PDE10A: variants seen among roughly 807,000 people sequenced by gnomAD.
PDE10A encodes the protein phosphodiesterase 10A, also known as cAMP and cAMP-inhibited cGMP 3',5'-cyclic phosphodiesterase 10A.
Under a neutral mutation model 97.7 loss-of-function variants are expected in PDE10A, and 39 were observed. The ratio of observed to expected loss-of-function variants is 0.40; its 90% CI spans 0.31 to 0.52. The LOEUF (loss-of-function observed/expected upper bound fraction) is 0.52. Ranked by LOEUF, PDE10A falls within the 20% of genes least tolerant of loss-of-function variation. PDE10A has a pLI of 0.56. For missense variants in PDE10A, 731 were observed against 1,047.8 expected, an observed-to-expected ratio of 0.70 and a Z score of 4.17; for synonymous variants, 371 against 376.8, an observed-to-expected ratio of 0.98 and a Z score of 0.18.
At chr6:165,886,688 A>G (rs929481734) in intron 1 of PDE10A, among the ~76,000 whole-genome samples, 3 of 152,208 alleles carry the variant, frequency 2.0e-5, no homozygotes, top group Admixed American at 2.0e-4. Context: ...TGGGGTTCAG[A>G]TTTACTCTGT....
chr6:165,826,318 C>T (rs981281863), intron 1 of PDE10A, among the ~76,000 whole-genome samples: 4 of 151,880 alleles, frequency 2.6e-5, no homozygotes, highest in Non-Finnish European at 5.9e-5. Flanking sequence ...GTCCCTCTGT[C>T]CCTGCATCCT....
chr6:165,837,824 T>C (rs1200134323), intron 1 of PDE10A, among the ~76,000 whole-genome samples: 1 of 152,038 alleles, frequency 6.6e-6, no homozygotes, highest in Non-Finnish European at 1.5e-5. Flanking sequence ...TAGCTGGGAC[T>C]ACAGGCGCCC....
intron 3 of PDE10A, among the ~76,000 whole-genome samples, chr6:165,474,434 C>T (rs1010647520): frequency 2.6e-5 from 4 of 152,108 alleles, no homozygotes; most frequent in African/African-American, 9.7e-5. Flanking sequence ...TAATGTTCAC[C>T]TTCATATAAA....
chr6:165,719,518 G>C (rs181393891), intron 1 of PDE10A, among the ~76,000 whole-genome samples: 1,595 of 152,318 alleles, frequency 0.01, 30 homozygotes, highest in African/African-American at 0.037. Context: ...TGGTAGGATA[G>C]ATTTTCAATC....
chr6:165,376,941 G>C (rs1784641807), intron 18 of PDE10A, among the ~76,000 whole-genome samples: 1 of 152,018 alleles, frequency 6.6e-6, no homozygotes, highest in African/African-American at 2.4e-5. Flanking sequence ...AAAACAAATT[G>C]CCACATGCAT....
At chr6:165,610,692 T>C (rs919020049) in intron 1 of PDE10A, among the ~76,000 whole-genome samples, 1 of 152,236 alleles carries the variant, frequency 6.6e-6, no homozygotes. Context: ...CCCACTGTGA[T>C]GGCCAACCTC....
intron 18 of PDE10A, among the ~76,000 whole-genome samples, chr6:165,353,587 T>C (rs1012067389): frequency 6.6e-6 from 1 of 152,150 alleles, no homozygotes; most frequent in African/African-American, 2.4e-5. Context: ...TGAAAAGACA[T>C]GGAAGAAACT....
In PDE10A at chr6:165,829,992, G is replaced by A. The variant is rs778675502; in HGVS notation, c.-615+157537C>T. On this transcript the variant is annotated intron_variant, in intron 1 of 19. Transcript: ENST00000366882. ...GTACACAGGCGAAGTTAAATTTAGG[G>A]TCTGTGTGGCAGCGGCAATAAACTG... Among the ~76,000 whole-genome samples the A allele has an allele frequency of 1.2e-3, 185 of 152,156 alleles. 1 individual carries two copies. The highest frequency in any genetic ancestry group is 2.3e-3 in the Non-Finnish European group (154 of 68,038).
At chr6:165,712,578 A>G (rs2128446483) in intron 1 of PDE10A, among the ~76,000 whole-genome samples, 1 of 150,578 alleles carries the variant, frequency 6.6e-6, no homozygotes, top group Admixed American at 6.6e-5. Context: ...GTAATTTGTT[A>G]CAATAAACAT....
At chr6:165,858,730 T>A (rs1175241918) in intron 1 of PDE10A, among the ~76,000 whole-genome samples, 2 of 152,152 alleles carry the variant, frequency 1.3e-5, no homozygotes, top group Non-Finnish European at 2.9e-5. Flanking sequence ...CAGCATTGAC[T>A]CCCATCAGTG....
At chr6:165,533,237 C>T (rs539456875) in intron 2 of PDE10A, among the ~76,000 whole-genome samples, 6 of 152,252 alleles carry the variant, frequency 3.9e-5, no homozygotes, top group Admixed American at 6.5e-5. Context: ...CAAGTTTATA[C>T]AGTAATATGT....
chr6:165,676,112 T>C (rs577681186), intron 1 of PDE10A, among the ~76,000 whole-genome samples: 95 of 152,300 alleles, frequency 6.2e-4, no homozygotes, highest in African/African-American at 2.2e-3. Context: ...TTATCTTAAC[T>C]GAAACAACTC....
At chr6:165,770,884 A>G (rs1012378455) in intron 1 of PDE10A, among the ~76,000 whole-genome samples, 1 of 152,216 alleles carries the variant, frequency 6.6e-6, no homozygotes, top group African/African-American at 2.4e-5. Context: ...CTTGCACGTG[A>G]GCACACTGCG....
intron 2 of PDE10A, among the ~76,000 whole-genome samples, chr6:165,514,511 G>T (rs551728750): frequency 3.9e-5 from 6 of 152,276 alleles, no homozygotes; most frequent in African/African-American, 1.2e-4. Flanking sequence ...AGTGACCACT[G>T]GGAGCTGTGA....
At chr6:165,626,693 T>A (rs1788403052) in intron 1 of PDE10A, among the ~76,000 whole-genome samples, 1 of 148,794 alleles carries the variant, frequency 6.7e-6, no homozygotes, top group Admixed American at 7.1e-5. Flanking sequence ...CTTTGCGATT[T>A]CCCTCCCTGG....
chr6:165,821,885 T>C (rs1173582958), intron 1 of PDE10A, among the ~76,000 whole-genome samples: 1 of 133,568 alleles, frequency 7.5e-6, no homozygotes, highest in Non-Finnish European at 1.6e-5. Context: ...GTTAACTGAA[T>C]TGAGTGAGGT....
intron 11 of PDE10A, among the ~76,000 whole-genome samples, chr6:165,417,544 C>T (rs1022963479): frequency 6.6e-6 from 1 of 152,132 alleles, no homozygotes; most frequent in Non-Finnish European, 1.5e-5. Flanking sequence ...TCAATGCCAA[C>T]AGTGTTAGGA....
chr6:165,514,113 C>A (rs1215164400), intron 2 of PDE10A, among the ~76,000 whole-genome samples: 2 of 152,160 alleles, frequency 1.3e-5, no homozygotes, highest in Non-Finnish European at 2.9e-5. Context: ...TAATATTAAA[C>A]CAACTTTGTA....
intron 1 of PDE10A, among the ~76,000 whole-genome samples, chr6:165,772,560 C>T (rs1778043257): frequency 6.6e-6 from 1 of 152,184 alleles, no homozygotes; most frequent in Non-Finnish European, 1.5e-5. Context: ...AGTTGCCCAA[C>T]CTGGGCTATC....
Sources: allele counts gnomAD v4.1 joint callset (sites outside exome capture counted in the v4.1 genomes callset), GRCh38; gene constraint gnomAD v4.1.1; transcripts MANE v1.5; gene names NCBI Gene and HGNC (gene_info 2026-07-23, HGNC 2026-07-21).